The following PPP4R3B variants were observed in gnomAD, a reference collection of about 807,000 sequenced individuals.
PPP4R3B encodes the protein protein phosphatase 4 regulatory subunit 3B.
Under a neutral mutation model 95.4 loss-of-function variants are expected in PPP4R3B, and 52 were observed. The ratio of observed to expected loss-of-function variants is 0.54; its 90% CI spans 0.44 to 0.69. The LOEUF is 0.69. PPP4R3B is among the 30% of genes least tolerant of loss of function. PPP4R3B has a pLI of 0.00. For missense variants in PPP4R3B, 1,003 were observed against 1,005.9 expected, an observed-to-expected ratio of 1.00 and a Z score of 0.04; for synonymous variants, 407 against 343.9, an observed-to-expected ratio of 1.18 and a Z score of -2.03.
Position 55,617,447 on chromosome 2 carries a change from G to T in PPP4R3B, c.-162C>A. On this transcript the variant is annotated 5_prime_UTR_variant, in exon 1 of 17. Coordinates refer to ENST00000616407, the MANE Select transcript of PPP4R3B (RefSeq NM_001122964.3). Reference sequence around the variant, plus strand: ...CTCCAAAGGTTCAGCCGCGAGAAGGGGTGACAAGAGCCACTGAGGCCTCTC... The same window carrying T: ...CTCCAAAGGTTCAGCCGCGAGAAGGTGTGACAAGAGCCACTGAGGCCTCTC... 1.2e-6 allele frequency: 1 copy of T among 822,366 alleles called. No individual in the cohort carries two copies. Among genetic ancestry groups the T allele is most frequent in the South Asian group, 2.6e-5 (1 of 38,348 alleles). The allele number at this position is 822,366 out of a possible 1,614,324, so 50.9% of individuals were successfully genotyped here.
At chr2:55,590,881 C>G (rs2054729) in intron 4 of PPP4R3B, among the ~76,000 whole-genome samples, 16,894 of 152,064 alleles carry the variant, frequency 0.11, 1,141 homozygotes, top group East Asian at 0.24. Flanking sequence ...TGAATAGAAA[C>G]CACTAGGTAC....
In PPP4R3B at chr2:55,549,218, T is replaced by C. The variant is rs996437085; in HGVS notation, c.*693A>G. 3.3e-5 allele frequency: 5 copies of C among 152,464 alleles called. No homozygotes were observed. The highest frequency in any genetic ancestry group is 9.6e-5 in the African/African-American group (4 of 41,460). 9.4% of individuals were successfully genotyped at this position (152,464 alleles called of 1,614,324 possible). Reference sequence around the variant, plus strand: ...CTACTGTACTGATTCTTGGCCTTCGTTGTCTCTAAAAGTGCTGATTTTAAC... The same window carrying C: ...CTACTGTACTGATTCTTGGCCTTCGCTGTCTCTAAAAGTGCTGATTTTAAC... On this transcript the variant is annotated 3_prime_UTR_variant, in exon 17 of 17. Transcript: ENST00000616407.
At chr2:55,607,811 G>C (rs1029414954) in intron 2 of PPP4R3B, among the ~76,000 whole-genome samples, 4 of 152,138 alleles carry the variant, frequency 2.6e-5, no homozygotes, top group East Asian at 1.9e-4. Flanking sequence ...TAGATCTATA[G>C]ATAGTACTAT....
At chr2:55,584,355 T>C (rs573701756) in intron 7 of PPP4R3B, among the ~76,000 whole-genome samples, 4 of 152,324 alleles carry the variant, frequency 2.6e-5, no homozygotes, top group Admixed American at 6.5e-5. Flanking sequence ...TTAATGTTTT[T>C]TATTTCCATA....
intron 12 of PPP4R3B, 130 bp downstream of exon 12, chr2:55,573,483 AAATAAG>A (rs2104077547): frequency 3.7e-6 from 3 of 800,248 alleles, no homozygotes; most frequent in East Asian, 6.3e-5. Context: ...CTTGCCCTTT[AAATAAG>A]AACAAAAGAA....
chr2:55,558,988 T>C lies in PPP4R3B; in HGVS notation c.2261-20A>G. Reference sequence around the variant, plus strand: ...CTTTTGCTAAAGCAAAAGTAAAATTTTGAACGTATATCAATAAATACTGCT... The same window carrying C: ...CTTTTGCTAAAGCAAAAGTAAAATTCTGAACGTATATCAATAAATACTGCT... On this transcript the variant is annotated intron_variant, in intron 15 of 16. Coordinates refer to ENST00000616407, the MANE Select transcript of PPP4R3B (RefSeq NM_001122964.3). 6.3e-7 allele frequency: 1 copy of C among 1,587,016 alleles called. No homozygotes were observed. The highest frequency in any genetic ancestry group is 8.6e-7 in the Non-Finnish European group (1 of 1,164,386).
intron 2 of PPP4R3B, among the ~76,000 whole-genome samples, chr2:55,610,869 G>GTTTTTTTTTTTTTTTTTTTGTT (rs11413034): frequency 7.1e-6 from 1 of 140,498 alleles, no homozygotes; most frequent in Non-Finnish European, 1.5e-5. Context: ...TATGACTCTG[G>GTTTTTTTTTTTTTTTTTTTGTT]TTTTTTTTTT....
At chr2:55,570,109 G>T (rs571754228) in intron 12 of PPP4R3B, among the ~76,000 whole-genome samples, 5 of 152,130 alleles carry the variant, frequency 3.3e-5, no homozygotes, top group Non-Finnish European at 7.4e-5. Context: ...AATTAGCCAG[G>T]TGTGCTGGCA....
intron 4 of PPP4R3B, among the ~76,000 whole-genome samples, chr2:55,589,558 G>A (rs12618859): frequency 0.19 from 28,722 of 152,016 alleles, 2,922 homozygotes; most frequent in East Asian, 0.29. Context: ...AATGACTCTG[G>A]GGTATTAAAA....
At chr2:55,573,874 CTG>C (rs1688306595) in intron 11 of PPP4R3B, 97 bp from the exon 12 acceptor site, 1 of 631,678 alleles carries the variant, frequency 1.6e-6, no homozygotes, top group South Asian at 3.0e-5. Flanking sequence ...AAAATCTAAA[CTG>C]TATTTCCTCC....
At chr2:55,609,186 T>A (rs927062026) in intron 2 of PPP4R3B, among the ~76,000 whole-genome samples, 2 of 151,988 alleles carry the variant, frequency 1.3e-5, no homozygotes, top group Non-Finnish European at 2.9e-5. Flanking sequence ...TTTTTTTTTT[T>A]AAAAGGCTGG....
At position 55,615,493 on chromosome 2, in the gene PPP4R3B, C is replaced by T; in HGVS notation, c.156G>A (p.Leu52=). 6.3e-7 allele frequency: 1 copy of T among 1,587,402 alleles called. No individual in the cohort carries two copies. The highest frequency in any genetic ancestry group is 8.6e-7 in the Non-Finnish European group (1 of 1,166,084). The change falls in exon 2 of 17, where the codon TTG becomes TTA. Residue 52 remains leucine (L), a synonymous_variant. Coordinates refer to ENST00000616407, the MANE Select transcript of PPP4R3B (RefSeq NM_001122964.3). The part of the protein sequence containing the change: ...VRAESDGSLL[L]ESKINPNTAY... ...CAGTATTTGGATTTATCTTTGATTC[C>T]AAGAGTAGTGATCCTGAAAGATAAA...
At chr2:55,601,395 T>C (rs1692590509) in intron 3 of PPP4R3B, among the ~76,000 whole-genome samples, 1 of 151,892 alleles carries the variant, frequency 6.6e-6, no homozygotes, top group South Asian at 2.1e-4. Context: ...TTTTTTTTTT[T>C]TTTGAGACAG....
chr2:55,577,344 C>A lies in PPP4R3B; in HGVS notation c.1577G>T (p.Gly526Val). The A allele has an allele frequency of 1.3e-6, 2 of 1,537,240 alleles. No individual in the cohort carries two copies. The highest frequency in any genetic ancestry group is 1.7e-6 in the Non-Finnish European group (2 of 1,147,852). Reference sequence around the variant, plus strand: ...ACAAATTGTGTTGTTTTTGTTTGATCCAACTATATTATCTAATAAAAAAAT... The same window carrying A: ...ACAAATTGTGTTGTTTTTGTTTGATACAACTATATTATCTAATAAAAAAAT... ...SSSISQDNIV[G>V]SNKNNTICPD... The change falls in exon 11 of 17, where the codon GGA (glycine) becomes GTA (valine). Residue 526 changes from glycine to valine, a missense_variant. By Grantham distance (109) the Gly-to-Val change is moderately radical (BLOSUM62 -3). Coordinates refer to ENST00000616407, the MANE Select transcript of PPP4R3B (RefSeq NM_001122964.3).
At chr2:55,595,955 A>C (rs1207724874) in intron 4 of PPP4R3B, among the ~76,000 whole-genome samples, 1 of 152,200 alleles carries the variant, frequency 6.6e-6, no homozygotes, top group African/African-American at 2.4e-5. Flanking sequence ...GGCTACTGTT[A>C]CAAGTAAGAC....
rs1185412362 is a variant in PPP4R3B at position 55,606,350 on chromosome 2, T to C, written c.199-2274A>G. 2.0e-5 allele frequency among the ~76,000 whole-genome samples: 3 copies of C among 152,242 alleles called. No individual in the cohort carries two copies. The East Asian group carries it at 5.8e-4, about 29-fold the overall frequency. ...TAAGACCCAATATACACTTAAGGCA[T>C]AGTATACCCAAACATAACAGTGGAT... On this transcript the variant is annotated intron_variant, in intron 2 of 16. Transcript: ENST00000616407.
chr2:55,583,512 C>G (rs1037530696), intron 7 of PPP4R3B, among the ~76,000 whole-genome samples: 112 of 152,262 alleles, frequency 7.4e-4, no homozygotes, highest in African/African-American at 2.6e-3. Flanking sequence ...TGAAAGTTAA[C>G]AGTTTACTAA....
At chr2:55,613,492 T>G (rs1003545338) in intron 2 of PPP4R3B, among the ~76,000 whole-genome samples, 20 of 152,122 alleles carry the variant, frequency 1.3e-4, no homozygotes, top group Non-Finnish European at 2.9e-4. Context: ...TTATACTAAG[T>G]GTATACAAAA....
chr2:55,591,830 C>T (rs1009178264), intron 4 of PPP4R3B: 3 of 190,762 alleles, frequency 1.6e-5, no homozygotes, highest in African/African-American at 7.1e-5. Flanking sequence ...GCACTCTGTT[C>T]CAATATATTT....
Sources: gnomAD v4.1 joint callset for allele counts (sites outside exome capture counted in the v4.1 genomes callset) on GRCh38, gnomAD v4.1.1 for gene constraint, MANE v1.5 for transcripts, NCBI Gene and HGNC (gene_info 2026-07-23, HGNC 2026-07-21) for gene names.